DGKB: variants seen among roughly 807,000 people sequenced by gnomAD.
The protein encoded by DGKB is diacylglycerol kinase beta.
Under a neutral mutation model 114.3 loss-of-function variants are expected in DGKB, and 67 were observed. The ratio of observed to expected loss-of-function variants is 0.59; its 90% CI spans 0.48 to 0.72. The LOEUF is 0.72. Ranked by LOEUF, DGKB falls within the 30% of genes least tolerant of loss-of-function variation. The pLI, the probability that DGKB is intolerant of heterozygous loss-of-function variation, is 0.00. For missense variants in DGKB, 907 were observed against 975.2 expected, an observed-to-expected ratio of 0.93 and a Z score of 0.93; for synonymous variants, 398 against 323.1, an observed-to-expected ratio of 1.23 and a Z score of -2.49.
chr7:14,196,300 A>T (rs1257287004), intron 23 of DGKB, among the ~76,000 whole-genome samples: 3 of 152,170 alleles, frequency 2.0e-5, no homozygotes, highest in Admixed American at 1.3e-4. Flanking sequence ...CCTCAAAGAA[A>T]GAATTATTCT....
chr7:14,486,938 AT>A (rs1242663803), intron 20 of DGKB, among the ~76,000 whole-genome samples: 1 of 152,244 alleles, frequency 6.6e-6, no homozygotes, highest in Non-Finnish European at 1.5e-5. Flanking sequence ...GATTAAAAAT[AT>A]TTCATTAAAT....
intron 1 of DGKB, among the ~76,000 whole-genome samples, chr7:14,954,190 C>A (rs1206174019): frequency 6.6e-6 from 1 of 152,002 alleles, no homozygotes; most frequent in African/African-American, 2.4e-5. Flanking sequence ...GTCTTCTCTA[C>A]CTTCAAACTG....
chr7:14,606,651 A>G (rs946100860), intron 17 of DGKB, among the ~76,000 whole-genome samples: 1 of 152,090 alleles, frequency 6.6e-6, no homozygotes, highest in African/African-American at 2.4e-5. Context: ...TGTCCACTTC[A>G]TGTGGTCTAA....
rs1844037568 is a variant in DGKB, at chr7:14,815,687, T to C, written c.70+25507A>G. 2.6e-5 allele frequency among the ~76,000 whole-genome samples: 4 copies of C among 152,248 alleles called. No individual in the cohort carries two copies. In the South Asian group the frequency reaches 8.3e-4, roughly 32 times the overall value. ...CATCCCCTGGGTTTAGTGTTGGGGATAGAGAACTTCAAACCACAGAACCAC... is the reference window on the plus strand; with the variant it reads ...CATCCCCTGGGTTTAGTGTTGGGGACAGAGAACTTCAAACCACAGAACCAC... On this transcript the variant is annotated intron_variant, in intron 2 of 25. Coordinates refer to ENST00000402815, the MANE Select transcript of DGKB (RefSeq NM_001350709.2).
chr7:14,809,856 C>T (rs1038991550), intron 2 of DGKB, among the ~76,000 whole-genome samples: 1 of 152,106 alleles, frequency 6.6e-6, no homozygotes, highest in Non-Finnish European at 1.5e-5. Flanking sequence ...AGCAATAGGT[C>T]CTTTATTCAG....
chr7:14,665,666 T>A (rs1817905635), intron 13 of DGKB, among the ~76,000 whole-genome samples: 1 of 152,008 alleles, frequency 6.6e-6, no homozygotes, highest in African/African-American at 2.4e-5. Flanking sequence ...TAAAATGTGA[T>A]TTTCTCATGA....
intron 21 of DGKB, among the ~76,000 whole-genome samples, chr7:14,472,145 G>T (rs1166563238): frequency 6.6e-6 from 1 of 152,190 alleles, no homozygotes; most frequent in Non-Finnish European, 1.5e-5. Context: ...GCTATGACTA[G>T]ATTTTTAAGA....
At chr7:14,518,585 T>C (rs769168098) in intron 20 of DGKB, among the ~76,000 whole-genome samples, 6 of 152,064 alleles carry the variant, frequency 3.9e-5, no homozygotes, top group Non-Finnish European at 7.4e-5. Flanking sequence ...TATTTGCCAA[T>C]CTCACATTAA....
intron 2 of DGKB, among the ~76,000 whole-genome samples, chr7:14,830,684 G>A (rs928295240): frequency 6.6e-6 from 1 of 152,036 alleles, no homozygotes; most frequent in Non-Finnish European, 1.5e-5. Flanking sequence ...AAGCAACACA[G>A]CCTGCTCTAA....
chr7:14,403,041 C>G (rs1327526373), intron 21 of DGKB, among the ~76,000 whole-genome samples: 1 of 151,876 alleles, frequency 6.6e-6, no homozygotes, highest in African/African-American at 2.4e-5. Context: ...TTCTTTCTCT[C>G]TCTGTGTATC....
At chr7:14,571,468 C>T (rs563515009) in intron 20 of DGKB, among the ~76,000 whole-genome samples, 12 of 152,264 alleles carry the variant, frequency 7.9e-5, no homozygotes, top group African/African-American at 2.9e-4. Context: ...GACTTTAGGG[C>T]CAGCAGCTAA....
At chr7:14,798,067 T>G (rs1421572592) in intron 2 of DGKB, among the ~76,000 whole-genome samples, 1 of 152,152 alleles carries the variant, frequency 6.6e-6, no homozygotes, top group Non-Finnish European at 1.5e-5. Flanking sequence ...GGGGAATGTG[T>G]GCTGATTGGT....
chr7:14,321,468 T>C lies in DGKB; in HGVS notation c.2122+17047A>G, dbSNP rs541896337. On this transcript the variant is annotated intron_variant, in intron 23 of 25. Transcript: ENST00000402815. ...ACCTGAAAAGGTGTATCCATAAAAGTATACAAGGAACATTAGAGAAATGGT... is the reference window on the plus strand; with the variant it reads ...ACCTGAAAAGGTGTATCCATAAAAGCATACAAGGAACATTAGAGAAATGGT... Among the ~76,000 whole-genome samples, 34 of 151,956 alleles carry C rather than the reference T, an allele frequency of 2.2e-4. 1 individual carries two copies.
chr7:14,770,965 T>G (rs764213920), intron 2 of DGKB, among the ~76,000 whole-genome samples: 28 of 152,180 alleles, frequency 1.8e-4, no homozygotes, highest in Non-Finnish European at 3.5e-4. Flanking sequence ...GAAGGAATTC[T>G]TCACAGGATA....
intron 23 of DGKB, among the ~76,000 whole-genome samples, chr7:14,296,326 A>G (rs1802557886): frequency 6.6e-6 from 1 of 152,104 alleles, no homozygotes; most frequent in Non-Finnish European, 1.5e-5. Context: ...CACCATGCCC[A>G]GCCAAACTCA....
At chr7:14,294,676 T>C (rs1802262086) in intron 23 of DGKB, among the ~76,000 whole-genome samples, 1 of 152,210 alleles carries the variant, frequency 6.6e-6, no homozygotes, top group Non-Finnish European at 1.5e-5. Flanking sequence ...CTTTCTTTTC[T>C]TTTTATAGAA....
rs1194291006 is a variant in DGKB, at chr7:14,145,144, AAC to A, written c.*3985_*3986del. On this transcript the variant is annotated 3_prime_UTR_variant, in exon 26 of 26. Transcript: ENST00000402815. The stretch of plus-strand genomic sequence containing the variant: ...ACTATAATTAAGTTCCATGTTTTTA[AAC>A]ACAATAAGGTTATACAGAATCTCTC... The A allele has an allele frequency of 6.6e-6, 1 of 152,212 alleles. No homozygotes were observed. The highest frequency in any genetic ancestry group is 1.5e-5 in the Non-Finnish European group (1 of 68,026). The allele number at this position is 152,212 out of a possible 1,614,324, so 9.4% of individuals were successfully genotyped here. A position where few individuals can be genotyped will look rare whatever the true frequency, so the allele number is the denominator to read the frequency against.
chr7:14,514,926 C>G (rs1292003991), intron 20 of DGKB, among the ~76,000 whole-genome samples: 2 of 152,020 alleles, frequency 1.3e-5, no homozygotes. Context: ...AGTCCGCAGT[C>G]CTAGTTACTC....
chr7:14,659,939 T>C (rs1816683876), intron 13 of DGKB, among the ~76,000 whole-genome samples: 1 of 151,880 alleles, frequency 6.6e-6, no homozygotes, highest in Admixed American at 6.6e-5. Flanking sequence ...GTTTTTAGCA[T>C]GAAGGGTTGT....
Sources: allele counts gnomAD v4.1 joint callset (sites outside exome capture counted in the v4.1 genomes callset), GRCh38; gene constraint gnomAD v4.1.1; transcripts MANE v1.5; gene names NCBI Gene and HGNC (gene_info 2026-07-23, HGNC 2026-07-21).